Variants in MGST1 observed in about 807,000 individuals in gnomAD.
The protein encoded by MGST1 is glutathione S-transferase 12.
A neutral mutation model predicts 8.9 loss-of-function variants in MGST1; 5 were observed. The ratio of observed to expected loss-of-function variants is 0.56; its 90% CI spans 0.29 to 1.19. The LOEUF (loss-of-function observed/expected upper bound fraction) is 1.19. Ranked by LOEUF, MGST1 falls within the 50% of genes most tolerant of loss-of-function variation. The probability of loss-of-function intolerance (pLI) is 0.08; values close to 1 mark genes in which losing one functional copy is unlikely to be tolerated. For synonymous variants in MGST1, 54 were observed against 67.8 expected (o/e 0.80, Z 1.00); for missense variants, 182 against 187.4 (o/e 0.97, Z 0.17).
At chr12:16,583,564 T>C (rs768127675) in intron 4 of MGST1, among the ~76,000 whole-genome samples, 7 of 152,128 alleles carry the variant, frequency 4.6e-5, no homozygotes, top group Non-Finnish European at 7.4e-5. Flanking sequence ...CTCATTCCCA[T>C]AGATGGGATA....
intron 1 of MGST1, chr12:16,353,352 A>T (rs867836964): frequency 2.3e-4 from 35 of 152,162 alleles, no homozygotes; most frequent in African/African-American, 8.2e-4. Flanking sequence ...GATTTTAAGA[A>T]TGAAGAAATT....
At chr12:16,574,767 A>C (rs1277924799) in intron 4 of MGST1, among the ~76,000 whole-genome samples, 1 of 152,224 alleles carries the variant, frequency 6.6e-6, no homozygotes, top group East Asian at 1.9e-4. Flanking sequence ...CTGTAATAGA[A>C]AAATTAATCC....
intron 1 of MGST1, chr12:16,353,313 G>C (rs565956028): frequency 6.6e-5 from 10 of 152,114 alleles, no homozygotes; most frequent in Non-Finnish European, 1.5e-4. Flanking sequence ...GACTACAGGC[G>C]TGAGCCACCA....
chr12:16,391,883 C>A (rs1219997165), intron 1 of MGST1, among the ~76,000 whole-genome samples: 1 of 152,148 alleles, frequency 6.6e-6, no homozygotes, highest in Non-Finnish European at 1.5e-5. Context: ...TTGGGTTTTA[C>A]ATTTAAGTGT....
chr12:16,474,780 G>T (rs1292057253), intron 4 of MGST1, among the ~76,000 whole-genome samples: 1 of 152,178 alleles, frequency 6.6e-6, no homozygotes, highest in Non-Finnish European at 1.5e-5. Context: ...GAGAAGACCT[G>T]CGTTTGATTC....
rs113743358 is a variant in MGST1 at position 16,423,644 on chromosome 12, C to T, written n.779-13744C>T. 6.8e-3 allele frequency among the ~76,000 whole-genome samples: 1,029 copies of T among 152,296 alleles called. 12 individuals are homozygous for T. The highest frequency in any genetic ancestry group is 0.024 in the African/African-American group (978 of 41,562). ...TCTTTTATAGCACTTTGTCTGTATACTCATTATGATGCTAATTACCTGTGG... is the reference window on the plus strand; with the variant it reads ...TCTTTTATAGCACTTTGTCTGTATATTCATTATGATGCTAATTACCTGTGG... On this transcript the variant is annotated intron_variant and non_coding_transcript_variant, in intron 1 of 1. Transcript: ENST00000359720.
downstream of MGST1, among the ~76,000 whole-genome samples, chr12:16,366,103 T>A (rs1210317316): frequency 6.6e-6 from 1 of 152,198 alleles, no homozygotes; most frequent in Non-Finnish European, 1.5e-5. The surrounding 1 kb of genome is among the most constrained non-coding windows in gnomAD (Gnocchi z 4.0). Flanking sequence ...TCCATTTAGC[T>A]ACTAATATTT....
intron 1 of MGST1, among the ~76,000 whole-genome samples, chr12:16,386,821 A>G: frequency 6.6e-6 from 1 of 152,202 alleles, no homozygotes; most frequent in Non-Finnish European, 1.5e-5. Context: ...GTGCCACTCT[A>G]AGTAGAGTGA....
In MGST1 at chr12:16,582,481, T is replaced by C. The variant is rs1254133579; in HGVS notation, n.483-7047T>C. On this transcript the variant is annotated intron_variant and non_coding_transcript_variant, in intron 4 of 4. Transcript: ENST00000538857. The surrounding 1 kb of genome is among the most constrained non-coding windows in gnomAD (Gnocchi z 4.1). ...TACTGTATTAGAGTTATGTTAGTTT[T>C]GCATAAGCTGCTTTACATATTTTGA... Among the ~76,000 whole-genome samples the C allele has an allele frequency of 2.0e-5, 3 of 152,216 alleles. No individual in the cohort carries two copies. Among genetic ancestry groups the C allele is most frequent in the African/African-American group, 7.2e-5 (3 of 41,464 alleles).
At chr12:16,435,974 T>C (rs1010333658) in intron 1 of MGST1, among the ~76,000 whole-genome samples, 1 of 131,722 alleles carries the variant, frequency 7.6e-6, no homozygotes, top group Non-Finnish European at 1.6e-5. Context: ...AAAGAAGTTA[T>C]TTCCACCCTG....
Position 16,585,745 on chromosome 12 carries a change from A to C in MGST1, n.483-3783A>C, listed in dbSNP as rs1404842265. Among the ~76,000 whole-genome samples, 1 of 152,234 alleles carries C rather than the reference A, an allele frequency of 6.6e-6. No homozygotes were observed. Among genetic ancestry groups the C allele is most frequent in the Non-Finnish European group, 1.5e-5 (1 of 68,038 alleles). On this transcript the variant is annotated intron_variant and non_coding_transcript_variant, in intron 4 of 4. Transcript: ENST00000538857. The surrounding 1 kb of genome is among the most constrained non-coding windows in gnomAD (Gnocchi z 4.7). ...AATAGAAAGGAAAATATGGGTGAGAAATTACAAAAGGCTGGAGAATCAATT... is the reference window on the plus strand; with the variant it reads ...AATAGAAAGGAAAATATGGGTGAGACATTACAAAAGGCTGGAGAATCAATT...
chr12:16,591,392 C>A (rs979839206), downstream of MGST1, among the ~76,000 whole-genome samples: 2 of 152,048 alleles, frequency 1.3e-5, no homozygotes, highest in African/African-American at 2.4e-5. This position sits in a 1 kb window ranked among gnomAD's most constrained non-coding sequence, Gnocchi z 4.1. Flanking sequence ...CCACACAAAC[C>A]AAAATTCTAC....
At chr12:16,491,802 G>A (rs1475725869) in intron 4 of MGST1, among the ~76,000 whole-genome samples, 1 of 151,972 alleles carries the variant, frequency 6.6e-6, no homozygotes, top group Non-Finnish European at 1.5e-5. Context: ...ATTCTTTCAT[G>A]AAATAAGTGA....
chr12:16,387,931 A>T (rs1940519533), intron 1 of MGST1, among the ~76,000 whole-genome samples: 1 of 152,026 alleles, frequency 6.6e-6, no homozygotes, highest in Non-Finnish European at 1.5e-5. Context: ...TGCTACGTAG[A>T]TTTGTAGCCT....
At chr12:16,473,525 T>C (rs773440126) in intron 4 of MGST1, among the ~76,000 whole-genome samples, 1 of 151,924 alleles carries the variant, frequency 6.6e-6, no homozygotes, top group Non-Finnish European at 1.5e-5. Flanking sequence ...ACTAGGCTTC[T>C]AATAGCCATT....
At chr12:16,352,717 G>A (rs1359142974) in intron 1 of MGST1, among the ~76,000 whole-genome samples, 2 of 152,200 alleles carry the variant, frequency 1.3e-5, no homozygotes, top group East Asian at 1.9e-4. Context: ...TCTACTCAAC[G>A]GCTTTTAGTT....
In MGST1 at chr12:16,401,367, C is replaced by T. The variant is rs1940654370; in HGVS notation, n.778+17763C>T. 4.2e-6 allele frequency: 5 copies of T among 1,185,378 alleles called. No homozygotes were observed. Among genetic ancestry groups the T allele is most frequent in the Non-Finnish European group, 6.3e-6 (5 of 794,532 alleles). 73.4% of individuals were successfully genotyped at this position (1,185,378 alleles called of 1,614,324 possible). A position where few individuals can be genotyped will look rare whatever the true frequency, so the allele number is the denominator to read the frequency against. On this transcript the variant is annotated intron_variant and non_coding_transcript_variant, in intron 1 of 1. Coordinates refer to the MGST1 transcript ENST00000359720. This position sits in a 1 kb window ranked among gnomAD's most constrained non-coding sequence, Gnocchi z 4.3. ...GGAAGCTTTCATGGAATTCAATTCCCACCCCAAATCCTAGGTTTCTGGTAA... is the reference window on the plus strand; with the variant it reads ...GGAAGCTTTCATGGAATTCAATTCCTACCCCAAATCCTAGGTTTCTGGTAA...
rs530936654 is a variant in MGST1 at position 16,563,225 on chromosome 12, C to G, written n.483-26303C>G. Among the ~76,000 whole-genome samples the G allele has an allele frequency of 1.0e-3, 153 of 152,272 alleles. 2 individuals are homozygous for G. The highest frequency in any genetic ancestry group is 3.6e-3 in the African/African-American group (151 of 41,572). ...AGATGCGGAAATCTGATCTAATTTA[C>G]TGCAAAGCGATGCATTTGTTAGACT... On this transcript the variant is annotated intron_variant and non_coding_transcript_variant, in intron 4 of 4. Transcript: ENST00000538857.
chr12:16,527,698 T>C (rs910125210), intron 4 of MGST1, among the ~76,000 whole-genome samples: 1 of 151,986 alleles, frequency 6.6e-6, no homozygotes, highest in Non-Finnish European at 1.5e-5. Flanking sequence ...ACTTCAAGTG[T>C]ACATCATGGG....
Sources: gnomAD v4.1 joint callset for allele counts (sites outside exome capture counted in the v4.1 genomes callset) on GRCh38, gnomAD v4.1.1 for gene constraint, Gnocchi (gnomAD v3.1) non-coding constraint, MANE v1.5 for transcripts, NCBI Gene and HGNC (gene_info 2026-07-23, HGNC 2026-07-21) for gene names.